LRRC59: variants seen among roughly 807,000 people sequenced by gnomAD.
The protein encoded by LRRC59 is leucine rich repeat containing 59.
LRRC59 carries 18 observed loss-of-function variants against 33.5 expected under a neutral mutation model. The ratio of observed to expected loss-of-function variants is 0.54; its 90% CI spans 0.37 to 0.80. The LOEUF is 0.80. LRRC59 is among the 30% of genes least tolerant of loss of function. The probability of loss-of-function intolerance (pLI) is 0.00; values close to 1 mark genes in which losing one functional copy is unlikely to be tolerated. For missense variants in LRRC59, 330 were observed against 391.9 expected, an observed-to-expected ratio of 0.84 and a Z score of 1.33; for synonymous variants, 138 against 160.0, an observed-to-expected ratio of 0.86 and a Z score of 1.04.
chr17:50,395,717 C>T (rs2143377266), intron 1 of LRRC59, among the ~76,000 whole-genome samples: 1 of 152,220 alleles, frequency 6.6e-6, no homozygotes, highest in Admixed American at 6.5e-5. Context: ...AGTTCGAGAC[C>T]AGCCTGACCA....
chr17:50,389,863 AGGTGGGCAG>A (rs1786991003), intron 4 of LRRC59, among the ~76,000 whole-genome samples: 1 of 152,268 alleles, frequency 6.6e-6, no homozygotes, highest in Non-Finnish European at 1.5e-5. Flanking sequence ...TGGGAGGCCA[AGGTGGGCAG>A]ATCACTGGAG....
chr17:50,397,324 G>A lies in LRRC59; in HGVS notation c.-7C>T. The A allele has an allele frequency of 1.3e-6, 2 of 1,599,968 alleles. No individual in the cohort carries two copies. The highest frequency in any genetic ancestry group is 2.2e-5 in the South Asian group (2 of 89,430). ...TGCTACCGGCCTTGGTCATGGTAAC[G>A]CCGGCTGAGCGGGCCCCGGCTCCGG... On this transcript the variant is annotated 5_prime_UTR_variant, in exon 1 of 7. Coordinates refer to ENST00000225972, the MANE Select transcript of LRRC59 (RefSeq NM_018509.4).
At chr17:50,389,469 T>C (rs1213568716) in intron 4 of LRRC59, among the ~76,000 whole-genome samples, 2 of 152,214 alleles carry the variant, frequency 1.3e-5, no homozygotes, top group Non-Finnish European at 2.9e-5. Context: ...AGATAAGATA[T>C]ACTTCTATGG....
intron 6 of LRRC59, 71 bp from the exon 7 acceptor site, chr17:50,383,306 G>T: frequency 1.3e-6 from 2 of 1,495,146 alleles, no homozygotes; most frequent in Non-Finnish European, 1.8e-6. Flanking sequence ...ATCTCTGCTA[G>T]TCTCCTCCGT....
chr17:50,383,107 T>A lies in LRRC59; in HGVS notation c.805A>T (p.Thr269Ser). ...VAGGLVACRVTELQQQPLCTS... is the reference protein window; with the variant it reads ...VAGGLVACRVSELQQQPLCTS... ...CAGAGGGGCTGCTGCTGCAGCTCTG[T>A]CACCCGACAAGCAACCAGCCCTCCC... The change falls in exon 7 of 7, where the codon ACA becomes TCA. Residue 269 changes from threonine to serine, a missense_variant. Thr to Ser is a moderately conservative substitution (Grantham distance 58). Coordinates refer to ENST00000225972, the MANE Select transcript of LRRC59 (RefSeq NM_018509.4). 1 of 1,587,494 alleles carries A rather than the reference T, an allele frequency of 6.3e-7. No homozygotes were observed. Among genetic ancestry groups the A allele is most frequent in the Non-Finnish European group, 8.6e-7 (1 of 1,168,524 alleles).
chr17:50,393,720 G>T (rs1312395450), intron 2 of LRRC59, among the ~76,000 whole-genome samples: 1 of 152,218 alleles, frequency 6.6e-6, no homozygotes, highest in Non-Finnish European at 1.5e-5. Flanking sequence ...AATGCCAGTG[G>T]ATCTGAAATG....
At chr17:50,387,942 C>G in intron 5 of LRRC59, 118 bp downstream of exon 5, 1 of 947,418 alleles carries the variant, frequency 1.1e-6, no homozygotes, top group Admixed American at 1.7e-5. Context: ...TACTGTCCCC[C>G]CACCGCCCAC....
Position 50,382,606 on chromosome 17 carries a change from A to T in LRRC59, c.*382T>A, listed in dbSNP as rs1295623538. 4.7e-6 allele frequency: 1 copy of T among 213,036 alleles called. No homozygotes were observed. Among genetic ancestry groups the T allele is most frequent in the African/African-American group, 2.3e-5 (1 of 43,430 alleles). The allele number at this position is 213,036 out of a possible 1,614,324, so 13.2% of individuals were successfully genotyped here. A position where few individuals can be genotyped will look rare whatever the true frequency, so the allele number is the denominator to read the frequency against. On this transcript the variant is annotated 3_prime_UTR_variant, in exon 7 of 7. Transcript: ENST00000225972. ...GATCTACCCTGATTCCCAGGGAGGA[A>T]TGAAAGGGTTTGTGGCATACAAAAG...
Position 50,381,700 on chromosome 17 carries a change from A to AT in LRRC59, c.*1287dup, listed in dbSNP as rs1913853565. On this transcript the variant is annotated 3_prime_UTR_variant, in exon 7 of 7. Coordinates refer to ENST00000225972, the MANE Select transcript of LRRC59 (RefSeq NM_018509.4). Reference sequence around the variant, plus strand: ...GCTTGCAACTGGGAGTTTGCAGTGAATGAGCACCATGACACAGTCATTTCT... The same window carrying AT: ...GCTTGCAACTGGGAGTTTGCAGTGAATTGAGCACCATGACACAGTCATTTCT... The AT allele has an allele frequency of 6.6e-6, 1 of 152,666 alleles. No individual in the cohort carries two copies. Among genetic ancestry groups the AT allele is most frequent in the African/African-American group, 2.4e-5 (1 of 41,454 alleles). The allele number at this position is 152,666 out of a possible 1,614,324, so 9.5% of individuals were successfully genotyped here.
chr17:50,388,237 T>C, intron 4 of LRRC59, 105 bp from the exon 5 acceptor site: 1 of 1,042,270 alleles, frequency 9.6e-7, no homozygotes, highest in Non-Finnish European at 1.5e-6. Flanking sequence ...ATGGTAGCAA[T>C]GTAGAACTAA....
intron 4 of LRRC59, among the ~76,000 whole-genome samples, chr17:50,391,660 C>T (rs192828841): frequency 6.6e-6 from 1 of 152,352 alleles, no homozygotes; most frequent in East Asian, 1.9e-4. Context: ...ACTCCTATGT[C>T]AGATGACTCA....
intron 4 of LRRC59, among the ~76,000 whole-genome samples, chr17:50,390,148 A>C (rs1453907293): frequency 6.0e-5 from 9 of 150,814 alleles, no homozygotes; most frequent in Non-Finnish European, 1.3e-4. Flanking sequence ...CTGGACCCAG[A>C]GTTAGGGCTC....
At chr17:50,386,517 C>G (rs1190533867) in intron 5 of LRRC59, among the ~76,000 whole-genome samples, 1 of 152,168 alleles carries the variant, frequency 6.6e-6, no homozygotes, top group Non-Finnish European at 1.5e-5. Flanking sequence ...CTGAATAGTA[C>G]TACTGTAAAT....
rs1365080320 is a variant in LRRC59 at position 50,382,136 on chromosome 17, C to G, written c.*852G>C. 1.3e-5 allele frequency: 2 copies of G among 152,596 alleles called. No individual in the cohort carries two copies. The highest frequency in any genetic ancestry group is 4.8e-5 in the African/African-American group (2 of 41,442). 9.5% of individuals were successfully genotyped at this position (152,596 alleles called of 1,614,324 possible). On this transcript the variant is annotated 3_prime_UTR_variant, in exon 7 of 7. Coordinates refer to ENST00000225972, the MANE Select transcript of LRRC59 (RefSeq NM_018509.4). ...TGGACTGTTGCCATTTTATGGAAGC[C>G]ACATAAGTTGGGCAGGACTCCACAG... is the stretch of plus-strand genomic sequence containing the variant.
chr17:50,386,992 C>A (rs1914019801), intron 5 of LRRC59, among the ~76,000 whole-genome samples: 1 of 152,112 alleles, frequency 6.6e-6, no homozygotes. Flanking sequence ...CAGAGGGGCA[C>A]CTGTAGTCCC....
chr17:50,396,998 T>C (rs1598372012), intron 1 of LRRC59: 2 of 414,208 alleles, frequency 4.8e-6, no homozygotes, highest in Non-Finnish European at 4.3e-6. Flanking sequence ...GAAGCAGATC[T>C]TCCCTATGTT....
intron 2 of LRRC59, 88 bp from the exon 3 acceptor site, chr17:50,392,985 CT>C: frequency 1.5e-6 from 2 of 1,300,984 alleles, no homozygotes; most frequent in Non-Finnish European, 2.2e-6. Flanking sequence ...AATTTGTAAC[CT>C]TTCTTAAAAC....
intron 2 of LRRC59, among the ~76,000 whole-genome samples, chr17:50,394,039 C>T (rs77636020): frequency 2.5e-3 from 377 of 151,870 alleles, no homozygotes; most frequent in Non-Finnish European, 4.1e-3. Flanking sequence ...AGTGAGATCT[C>T]GATGCTTTTT....
chr17:50,396,993 A>G, intron 1 of LRRC59: 1 of 412,494 alleles, frequency 2.4e-6, no homozygotes, highest in South Asian at 8.0e-5. Flanking sequence ...CCAGAGAAGC[A>G]GATCTTCCCT....
Sources: gnomAD v4.1 joint callset for allele counts (sites outside exome capture counted in the v4.1 genomes callset) on GRCh38, gnomAD v4.1.1 for gene constraint, MANE v1.5 for transcripts, NCBI Gene and HGNC (gene_info 2026-07-23, HGNC 2026-07-21) for gene names.